The following KLF13 variants were observed in gnomAD, a reference collection of about 807,000 sequenced individuals.
KLF13 encodes KLF transcription factor 13, also known as Krueppel-like factor 13.
In KLF13, 8 loss-of-function variants were observed where a neutral mutation model predicts 16.7. That is an observed-to-expected ratio of 0.48 (90% CI 0.28 to 0.87). KLF13 has a LOEUF of 0.87. Ranked by LOEUF, KLF13 falls within the 40% of genes least tolerant of loss-of-function variation. KLF13 has a pLI of 0.10. For missense variants in KLF13, 447 were observed against 452.2 expected (o/e 0.99, Z 0.10); for synonymous variants, 245 against 208.4 (o/e 1.18, Z -1.51).
chr15:31,338,791 C>T lies in KLF13; in HGVS notation c.577+11002C>T, dbSNP rs191612530. ...AATGGATGGGAACTGAGCTCCTTGGCTGCCAAGCTGAGGTTCAGTCTGGCC... is the reference window on the plus strand; with the variant it reads ...AATGGATGGGAACTGAGCTCCTTGGTTGCCAAGCTGAGGTTCAGTCTGGCC... On this transcript the variant is annotated intron_variant, in intron 1 of 1. Transcript: ENST00000307145. 1.5e-3 allele frequency among the ~76,000 whole-genome samples: 228 copies of T among 152,232 alleles called. 1 individual carries two copies. Among genetic ancestry groups the T allele is most frequent in the African/African-American group, 5.1e-3 (210 of 41,538 alleles).
chr15:31,372,230 C>G lies in KLF13; in HGVS notation c.798C>G (p.Thr266=). ...AGCGGCGCGGCGGGGGCTCGCGGAC[C>G]GGCTCCCTCAGCGACTACAGCCGCT... ...MLQRRGGGSR[T]GSLSDYSRSD... Residue 266 remains threonine, a synonymous_variant, in exon 2 of 2, where the codon ACC becomes ACG. Transcript: ENST00000307145. 6.3e-7 allele frequency: 1 copy of G among 1,593,716 alleles called. No homozygotes were observed. The highest frequency in any genetic ancestry group is 8.5e-7 in the Non-Finnish European group (1 of 1,173,642).
At chr15:31,359,201 G>A (rs549848243) in intron 1 of KLF13, among the ~76,000 whole-genome samples, 4 of 152,184 alleles carry the variant, frequency 2.6e-5, no homozygotes, top group Non-Finnish European at 5.9e-5. Context: ...TTGTGACTCG[G>A]GTGTGCGTGA....
intron 1 of KLF13, among the ~76,000 whole-genome samples, chr15:31,383,467 A>G (rs960456582): frequency 6.6e-6 from 1 of 152,238 alleles, no homozygotes; most frequent in Non-Finnish European, 1.5e-5. Flanking sequence ...CAGGGCCAGG[A>G]GAGGCACACA....
intron 1 of KLF13, among the ~76,000 whole-genome samples, chr15:31,413,203 C>CAAA (rs1341640127): frequency 3.8e-5 from 5 of 130,238 alleles, no homozygotes; most frequent in African/African-American, 5.9e-5. Flanking sequence ...AAAAAAAAAA[C>CAAA]AAAAAACAAA....
chr15:31,355,807 C>T (rs1223300655), intron 1 of KLF13, among the ~76,000 whole-genome samples: 1 of 151,930 alleles, frequency 6.6e-6, no homozygotes, highest in African/African-American at 2.4e-5. Flanking sequence ...TTGGTTTTCC[C>T]AGTGCTGTTG....
At chr15:31,417,459 C>A (rs1051086303) in intron 1 of KLF13, among the ~76,000 whole-genome samples, 1 of 151,934 alleles carries the variant, frequency 6.6e-6, no homozygotes. Context: ...CATGCCACTG[C>A]ACTTGAGCCT....
At chr15:31,391,609 G>GC (rs993544547), upstream of KLF13, among the ~76,000 whole-genome samples, 2 of 151,366 alleles carry the variant, frequency 1.3e-5, no homozygotes, top group Non-Finnish European at 2.9e-5. Flanking sequence ...CCCCGCCCCC[G>GC]CCCCCGCCCC....
At chr15:31,409,091 C>T (rs1235911353), downstream of KLF13, among the ~76,000 whole-genome samples, 1 of 152,114 alleles carries the variant, frequency 6.6e-6, no homozygotes, top group Non-Finnish European at 1.5e-5. Context: ...TCCAGACCAG[C>T]CTGGCCAATG....
At chr15:31,392,446 T>C (rs1040090390), upstream of KLF13, among the ~76,000 whole-genome samples, 9 of 152,254 alleles carry the variant, frequency 5.9e-5, no homozygotes, top group East Asian at 1.9e-4. Context: ...CCTCCTGATG[T>C]GGCCCCGCCC....
At chr15:31,355,484 G>T (rs2039285860) in intron 1 of KLF13, among the ~76,000 whole-genome samples, 1 of 152,182 alleles carries the variant, frequency 6.6e-6, no homozygotes, top group South Asian at 2.1e-4. Context: ...TACGTTCATT[G>T]TGATAAGCAG....
At chr15:31,401,556 G>A (rs1744416667) in intron 2 of KLF13, among the ~76,000 whole-genome samples, 1 of 152,228 alleles carries the variant, frequency 6.6e-6, no homozygotes, top group African/African-American at 2.4e-5. Flanking sequence ...GAGAGCCTGT[G>A]CTGTGGAGCA....
At chr15:31,389,444 T>C (rs1316989515), upstream of KLF13, among the ~76,000 whole-genome samples, 1 of 152,212 alleles carries the variant, frequency 6.6e-6, no homozygotes, top group Non-Finnish European at 1.5e-5. Context: ...ACCCCTATGT[T>C]GTTCAAGCAT....
intron 1 of KLF13, among the ~76,000 whole-genome samples, chr15:31,422,431 A>G (rs2040339858): frequency 6.6e-6 from 1 of 152,158 alleles, no homozygotes; most frequent in South Asian, 2.1e-4. Flanking sequence ...GGGAAACGGT[A>G]GATGCTTATA....
Position 31,372,501 on chromosome 15 carries a change from AGAT to A in KLF13, c.*203_*205del. On this transcript the variant is annotated 3_prime_UTR_variant, in exon 2 of 2. Coordinates refer to ENST00000307145, the MANE Select transcript of KLF13 (RefSeq NM_015995.4). Reference sequence around the variant, plus strand: ...AACACCACCCACCAAATTGCACAATAGATACACCCACAAAGTTGAGATTCAGCG... The same window carrying A: ...AACACCACCCACCAAATTGCACAATAACACCCACAAAGTTGAGATTCAGCG... 2 of 576,518 alleles carry A rather than the reference AGAT, an allele frequency of 3.5e-6. No individual in the cohort carries two copies. The highest frequency in any genetic ancestry group is 5.8e-6 in the Non-Finnish European group (2 of 343,834). The allele number at this position is 576,518 out of a possible 1,614,324, so 35.7% of individuals were successfully genotyped here. A position where few individuals can be genotyped will look rare whatever the true frequency, so the allele number is the denominator to read the frequency against.
At chr15:31,412,709 G>T (rs1265127120) in intron 1 of KLF13, among the ~76,000 whole-genome samples, 1 of 151,850 alleles carries the variant, frequency 6.6e-6, no homozygotes, top group East Asian at 1.9e-4. Context: ...TAAAAATTTT[G>T]CCCGATTGGA....
chr15:31,402,029 G>A (rs1048183246), intron 2 of KLF13, among the ~76,000 whole-genome samples: 7 of 152,230 alleles, frequency 4.6e-5, no homozygotes, highest in Admixed American at 3.9e-4. Flanking sequence ...CATCCACTTC[G>A]CAGAATGCAG....
At chr15:31,401,585 G>A (rs894230083) in intron 2 of KLF13, among the ~76,000 whole-genome samples, 1 of 152,200 alleles carries the variant, frequency 6.6e-6, no homozygotes, top group Non-Finnish European at 1.5e-5. Flanking sequence ...CATTGAGTGG[G>A]GGCCACCTGG....
upstream of KLF13, among the ~76,000 whole-genome samples, chr15:31,387,937 T>C (rs2039812073): frequency 2.6e-5 from 4 of 152,180 alleles, no homozygotes; most frequent in Admixed American, 6.5e-5. Context: ...GCCACTGGCT[T>C]GGACATGAGC....
At chr15:31,432,580 C>A (rs1260797376) in intron 1 of KLF13, among the ~76,000 whole-genome samples, 1 of 151,814 alleles carries the variant, frequency 6.6e-6, no homozygotes, top group Non-Finnish European at 1.5e-5. Context: ...TCCTGAGTAG[C>A]TGGGACTATA....
Sources: gnomAD v4.1 joint callset for allele counts (sites outside exome capture counted in the v4.1 genomes callset) on GRCh38, gnomAD v4.1.1 for gene constraint, MANE v1.5 for transcripts, NCBI Gene and HGNC (gene_info 2026-07-23, HGNC 2026-07-21) for gene names.